Variants in PRIM2 observed in about 807,000 individuals in gnomAD.
PRIM2 encodes DNA primase large subunit.
Under a neutral mutation model 67.3 loss-of-function variants are expected in PRIM2, and 39 were observed. The observed-to-expected ratio is 0.58, with a 90% CI of 0.45 to 0.76. PRIM2 has a LOEUF of 0.76. Ranked by LOEUF, PRIM2 falls within the 30% of genes least tolerant of loss-of-function variation. The pLI is 0.00. For synonymous variants in PRIM2, 143 were observed against 198.7 expected, an observed-to-expected ratio of 0.72 and a Z score of 2.36; for missense variants, 398 against 598.7, an observed-to-expected ratio of 0.66 and a Z score of 3.50.
the PRIM2 span, among the ~76,000 whole-genome samples, chr6:57,233,491 C>T: frequency 0.6 from 90,796 of 152,060 alleles, 28,246 homozygotes; most frequent in South Asian, 0.76. Context: ...ACACAAAATG[C>T]GTAAAATGAT....
chr6:57,304,748 T>G, the PRIM2 span, among the ~76,000 whole-genome samples: 1 of 152,118 alleles, frequency 6.6e-6, no homozygotes, highest in Admixed American at 6.5e-5. Context: ...GTAGGTGAGA[T>G]GCCTAGGTGA....
intron 7 of PRIM2, among the ~76,000 whole-genome samples, chr6:57,493,701 A>G (rs1243561569): frequency 2.6e-5 from 4 of 152,224 alleles, no homozygotes; most frequent in Admixed American, 2.6e-4. Flanking sequence ...CTAGTTTTAT[A>G]ACTGTTGGTG....
At chr6:57,467,522 A>G (rs1222926485) in intron 7 of PRIM2, among the ~76,000 whole-genome samples, 181 of 152,254 alleles carry the variant, frequency 1.2e-3, no homozygotes, top group African/African-American at 4.1e-3. Flanking sequence ...TGTTTTGGTT[A>G]CTGTAGCCGT....
At chr6:57,224,952 CT>C in the PRIM2 span, among the ~76,000 whole-genome samples, 1 of 152,222 alleles carries the variant, frequency 6.6e-6, no homozygotes, top group African/African-American at 2.4e-5. Flanking sequence ...CCATCCCACA[CT>C]AGGAGGAGGA....
intron 7 of PRIM2, among the ~76,000 whole-genome samples, chr6:57,485,254 A>G (rs1245714984): frequency 6.6e-6 from 1 of 151,926 alleles, no homozygotes; most frequent in Admixed American, 6.6e-5. Flanking sequence ...ACTTAACCCA[A>G]ATTGAGCTAG....
At chr6:57,285,070 C>T in the PRIM2 span, among the ~76,000 whole-genome samples, 1 of 152,154 alleles carries the variant, frequency 6.6e-6, no homozygotes, top group Non-Finnish European at 1.5e-5. Context: ...AAGACTAAAT[C>T]AGGAAGAAGT....
At chr6:57,573,231 G>A (rs1460940275) in intron 10 of PRIM2, among the ~76,000 whole-genome samples, 20 of 152,162 alleles carry the variant, frequency 1.3e-4, no homozygotes, top group African/African-American at 2.7e-4. Context: ...TATTATTCCC[G>A]TAATTTTACA....
chr6:57,263,461 T>C, the PRIM2 span, among the ~76,000 whole-genome samples: 81,972 of 152,008 alleles, frequency 0.54, 23,991 homozygotes, highest in East Asian at 0.82. Context: ...AAATCTCTGC[T>C]TCTGATGTTG....
chr6:57,484,761 G>A (rs1773715588), intron 7 of PRIM2, among the ~76,000 whole-genome samples: 1 of 151,950 alleles, frequency 6.6e-6, no homozygotes, highest in Admixed American at 6.6e-5. Flanking sequence ...CTTTATTCAG[G>A]TCTGTTTCCT....
At chr6:57,291,782 G>A in the PRIM2 span, among the ~76,000 whole-genome samples, 2 of 152,090 alleles carry the variant, frequency 1.3e-5, no homozygotes, top group Admixed American at 6.6e-5. Context: ...AAAGGCCTTC[G>A]ATAAAATTCA....
At chr6:57,354,439 A>G (rs1768963686) in intron 5 of PRIM2, among the ~76,000 whole-genome samples, 1 of 152,136 alleles carries the variant, frequency 6.6e-6, no homozygotes, top group African/African-American at 2.4e-5. Flanking sequence ...GTATTTCTTT[A>G]TGTTTACTGT....
chr6:57,279,177 C>T, the PRIM2 span, among the ~76,000 whole-genome samples: 32 of 152,202 alleles, frequency 2.1e-4, no homozygotes, highest in East Asian at 1.7e-3. Flanking sequence ...ATCATGTTTC[C>T]GAGTCCTGTC....
At chr6:57,298,427 C>T in the PRIM2 span, among the ~76,000 whole-genome samples, 2 of 152,050 alleles carry the variant, frequency 1.3e-5, no homozygotes, top group African/African-American at 2.4e-5. Flanking sequence ...AACATCAATT[C>T]ACAGACTGGT....
chr6:57,344,476 A>G (rs1768604081), intron 5 of PRIM2, among the ~76,000 whole-genome samples: 1 of 151,644 alleles, frequency 6.6e-6, no homozygotes. Flanking sequence ...TGATTTAGAA[A>G]GAGCACTGTG....
intron 7 of PRIM2, among the ~76,000 whole-genome samples, chr6:57,429,223 A>G (rs1771739022): frequency 6.6e-6 from 1 of 152,232 alleles, no homozygotes; most frequent in South Asian, 2.1e-4. Context: ...AACTCAGAAT[A>G]TAACAAGGAC....
At chr6:57,535,872 TA>T in intron 9 of PRIM2, among the ~76,000 whole-genome samples, 1 of 146,672 alleles carries the variant, frequency 6.8e-6, no homozygotes, top group East Asian at 2.0e-4. Context: ...CTCAAAAAAA[TA>T]AAAAAAGAAG....
chr6:57,551,596 A>C (rs1775404040), intron 10 of PRIM2, among the ~76,000 whole-genome samples: 1 of 152,152 alleles, frequency 6.6e-6, no homozygotes, highest in Admixed American at 6.5e-5. Context: ...TCATCCATTC[A>C]ACAAACATTG....
intron 7 of PRIM2, among the ~76,000 whole-genome samples, chr6:57,388,147 G>C (rs1770212250): frequency 6.6e-6 from 1 of 152,124 alleles, no homozygotes; most frequent in Non-Finnish European, 1.5e-5. Context: ...GAGTCCCAGG[G>C]TAAAGAGTTT....
At chr6:57,525,222 A>C (rs1351470903) in intron 8 of PRIM2, among the ~76,000 whole-genome samples, 1 of 152,174 alleles carries the variant, frequency 6.6e-6, no homozygotes, top group Non-Finnish European at 1.5e-5. Context: ...TATTATTCCA[A>C]AATGCTACGC....
Sources: gnomAD v4.1 joint callset for allele counts (sites outside exome capture counted in the v4.1 genomes callset) on GRCh38, gnomAD v4.1.1 for gene constraint, MANE v1.5 for transcripts, NCBI Gene and HGNC (gene_info 2026-07-23, HGNC 2026-07-21) for gene names.